The following MAP2 variants were observed in gnomAD, a reference collection of about 807,000 sequenced individuals.
MAP2 encodes microtubule associated protein 2.
MAP2 carries 14 observed loss-of-function variants against 137.6 expected under a neutral mutation model. The observed-to-expected ratio is 0.10, with a 90% CI of 0.07 to 0.16. The LOEUF is 0.16. Ranked by LOEUF, MAP2 falls within the 10% of genes least tolerant of loss-of-function variation. MAP2 has a pLI of 1.00. For missense variants in MAP2, 2,088 were observed against 2,191.5 expected, an observed-to-expected ratio of 0.95 and a Z score of 0.94; for synonymous variants, 786 against 782.3, an observed-to-expected ratio of 1.00 and a Z score of -0.08.
At chr2:209,438,967 T>C (rs1450372640) in intron 1 of MAP2, among the ~76,000 whole-genome samples, 2 of 151,448 alleles carry the variant, frequency 1.3e-5, no homozygotes. Context: ...ATACCAACTC[T>C]AATAAAAATT....
intron 1 of MAP2, among the ~76,000 whole-genome samples, chr2:209,459,528 A>G (rs1702276284): frequency 6.6e-6 from 1 of 152,224 alleles, no homozygotes; most frequent in African/African-American, 2.4e-5. Context: ...TCAGCAGTGC[A>G]TCATCCCATT....
chr2:209,625,139 TCTCTA>T lies in MAP2; in HGVS notation c.-30+15_-30+19del, dbSNP rs2092043322. ...CCACTTCCTTGAATAGGTAAGACTC[TCTCTA>T]CTCTGAAAGAGTTACCTACAAGTGT... On this transcript the variant is annotated intron_variant, in intron 4 of 15. Transcript: ENST00000682079. The T allele has an allele frequency of 6.6e-6, 1 of 152,196 alleles. No homozygotes were observed. Among genetic ancestry groups the T allele is most frequent in the African/African-American group, 2.4e-5 (1 of 41,446 alleles). 9.4% of individuals were successfully genotyped at this position (152,196 alleles called of 1,614,324 possible).
intron 1 of MAP2, among the ~76,000 whole-genome samples, chr2:209,448,743 T>A (rs1037897814): frequency 6.6e-6 from 1 of 152,174 alleles, no homozygotes; most frequent in African/African-American, 2.4e-5. Context: ...GTGTCTCTTA[T>A]AAAAGGTTAC....
chr2:209,692,804 G>C lies in MAP2; in HGVS notation c.634G>C (p.Asp212His), dbSNP rs775537247. Residue 212 changes from aspartate to histidine, a missense_variant, in exon 8 of 16, where the codon GAC becomes CAC. Physicochemically the swap from Asp to His is moderately conservative, Grantham distance 81 (BLOSUM62 -1). Transcript: ENST00000682079. Reference protein sequence around the residue: ...ETTKTYPDKKDMQGTEEEKAP... With the variant: ...ETTKTYPDKKHMQGTEEEKAP... ...AACTAAAACTTACCCTGATAAAAAG[G>C]ACATGCAAGGCACGGAAGAAGAAAA... The C allele has an allele frequency of 6.2e-7, 1 of 1,613,526 alleles. No individual in the cohort carries two copies. The highest frequency in any genetic ancestry group is 2.2e-5 in the East Asian group (1 of 44,882).
At chr2:209,466,703 C>G (rs1460574210) in intron 1 of MAP2, among the ~76,000 whole-genome samples, 4 of 152,098 alleles carry the variant, frequency 2.6e-5, no homozygotes, top group Non-Finnish European at 4.4e-5. Context: ...ATTTCTTTCT[C>G]CATGAAAACC....
At chr2:209,460,348 G>A (rs1252612700) in intron 1 of MAP2, among the ~76,000 whole-genome samples, 1 of 152,152 alleles carries the variant, frequency 6.6e-6, no homozygotes, top group African/African-American at 2.4e-5. Context: ...AACATAGGTG[G>A]TTTTAAAAAG....
chr2:209,439,188 A>G lies in MAP2; in HGVS notation c.-222+14912A>G, dbSNP rs1010197468. ...TATCATATGGTGATTGCTTTGTATA[A>G]CTCCAGTTTGACTGAGTGCTGTTAT... On this transcript the variant is annotated intron_variant, in intron 1 of 15. Coordinates refer to ENST00000682079, the MANE Select transcript of MAP2 (RefSeq NM_001375505.1). 2.6e-5 allele frequency among the ~76,000 whole-genome samples: 4 copies of G among 151,092 alleles called. No individual in the cohort carries two copies. The East Asian group carries it at 7.8e-4, about 29-fold the overall frequency.
intron 2 of MAP2, among the ~76,000 whole-genome samples, chr2:209,566,963 GT>G (rs987627084): frequency 4.6e-5 from 7 of 152,104 alleles, no homozygotes; most frequent in Non-Finnish European, 1.0e-4. Flanking sequence ...AGAAAAATCT[GT>G]TTTTGAGGCA....
At chr2:209,684,720 T>C (rs1405964774) in intron 7 of MAP2, 1 of 152,160 alleles carries the variant, frequency 6.6e-6, no homozygotes, top group Admixed American at 6.5e-5. Context: ...GTCCAAGGTG[T>C]ATAAGGTTAC....
chr2:209,647,542 A>G (rs959107923), intron 4 of MAP2, among the ~76,000 whole-genome samples: 1 of 152,214 alleles, frequency 6.6e-6, no homozygotes, highest in Non-Finnish European at 1.5e-5. Flanking sequence ...TATTATGCTG[A>G]TATACTATGA....
intron 3 of MAP2, among the ~76,000 whole-genome samples, chr2:209,611,662 G>A (rs939208651): frequency 2.0e-5 from 3 of 152,012 alleles, no homozygotes; most frequent in Non-Finnish European, 4.4e-5. Flanking sequence ...CTTTTAGAGA[G>A]TGGAGTTATA....
intron 14 of MAP2, 74 bp from the exon 15 acceptor site, chr2:209,729,776 A>T: frequency 1.1e-6 from 1 of 898,386 alleles, no homozygotes; most frequent in Non-Finnish European, 1.8e-6. Flanking sequence ...TAGTCTATCT[A>T]CTGCAGTCAT....
chr2:209,619,160 A>T (rs1209024913), intron 3 of MAP2, among the ~76,000 whole-genome samples: 1 of 152,108 alleles, frequency 6.6e-6, no homozygotes, highest in Non-Finnish European at 1.5e-5. Flanking sequence ...TTGCTCAAAG[A>T]TAACGAAGTT....
intron 2 of MAP2, among the ~76,000 whole-genome samples, chr2:209,514,808 G>C (rs1393075515): frequency 2.6e-5 from 4 of 152,010 alleles, no homozygotes; most frequent in Non-Finnish European, 5.9e-5. Flanking sequence ...CCTGAGAATA[G>C]AAAAGTATCC....
chr2:209,699,850 A>T (rs2061306581), intron 10 of MAP2, among the ~76,000 whole-genome samples: 1 of 152,196 alleles, frequency 6.6e-6, no homozygotes, highest in Admixed American at 6.6e-5. Flanking sequence ...CAGAACAAGA[A>T]GAGGGTTTGG....
chr2:209,467,393 A>C lies in MAP2; in HGVS notation c.-221-40199A>C, dbSNP rs1389389109. ...CGTCTACCCAATTCTTAAAAAAATA[A>C]ATTTCAGCTTCCAACAACATACCAT... On this transcript the variant is annotated intron_variant, in intron 1 of 15. Transcript: ENST00000682079. 4.6e-5 allele frequency among the ~76,000 whole-genome samples: 7 copies of C among 152,144 alleles called. No individual in the cohort carries two copies. The East Asian group carries it at 1.2e-3, about 25-fold the overall frequency.
chr2:209,489,784 G>A (rs2058842790), intron 1 of MAP2, among the ~76,000 whole-genome samples: 6 of 152,140 alleles, frequency 3.9e-5, no homozygotes, highest in African/African-American at 1.4e-4. Context: ...CAAGAAATAT[G>A]GGACCATGTG....
chr2:209,636,578 TACAC>T (rs199977019), intron 4 of MAP2, among the ~76,000 whole-genome samples: 6 of 144,748 alleles, frequency 4.1e-5, no homozygotes, highest in South Asian at 4.7e-4. Flanking sequence ...TATATATATA[TACAC>T]ACACACACAC....
chr2:209,492,356 A>C (rs2059218858), intron 1 of MAP2, among the ~76,000 whole-genome samples: 1 of 152,224 alleles, frequency 6.6e-6, no homozygotes, highest in African/African-American at 2.4e-5. Flanking sequence ...AAAAGCTGGA[A>C]GTATTCCATT....
Sources: allele counts gnomAD v4.1 joint callset (sites outside exome capture counted in the v4.1 genomes callset), GRCh38; gene constraint gnomAD v4.1.1; transcripts MANE v1.5; gene names NCBI Gene and HGNC (gene_info 2026-07-23, HGNC 2026-07-21).